Variants in ZNF518A observed in about 807,000 individuals in gnomAD.
ZNF518A encodes zinc finger protein 518A, also known as zinc finger protein 518.
ZNF518A carries 47 observed loss-of-function variants against 102.7 expected under a neutral mutation model. The ratio of observed to expected loss-of-function variants is 0.46; its 90% CI spans 0.36 to 0.58. ZNF518A has a LOEUF of 0.58. ZNF518A is among the 20% of genes least tolerant of loss of function. ZNF518A has a pLI of 0.00. For synonymous variants in ZNF518A, 652 were observed against 594.6 expected (o/e 1.10, Z -1.40); for missense variants, 1,793 against 1,699.8 (o/e 1.05, Z -0.96).
At chr10:96,167,958 CAACTT>C (rs587687457), downstream of ZNF518A, among the ~76,000 whole-genome samples, 9 of 152,318 alleles carry the variant, frequency 5.9e-5, no homozygotes, top group East Asian at 3.9e-4. Context: ...AGATTAATCT[CAACTT>C]AATTTCAGTA....
At chr10:96,167,565 A>G (rs1554890504), downstream of ZNF518A, among the ~76,000 whole-genome samples, 1 of 152,156 alleles carries the variant, frequency 6.6e-6, no homozygotes, top group Non-Finnish European at 1.5e-5. Flanking sequence ...TTTTTAAAGA[A>G]CTAAATGAAA....
At chr10:96,199,138 A>G (rs1276448063) in intron 1 of ZNF518A, among the ~76,000 whole-genome samples, 1 of 152,234 alleles carries the variant, frequency 6.6e-6, no homozygotes, top group Non-Finnish European at 1.5e-5. Context: ...ACACACTAAT[A>G]TATTTACTTG....
chr10:96,191,792 A>G, intron 1 of ZNF518A: 1 of 719,376 alleles, frequency 1.4e-6, no homozygotes, highest in Non-Finnish European at 2.3e-6. Flanking sequence ...GTCAGGCAAT[A>G]GAACAAGTCC....
chr10:96,182,392 G>A (rs2083245508), intron 1 of ZNF518A, among the ~76,000 whole-genome samples: 2 of 152,168 alleles, frequency 1.3e-5, no homozygotes, highest in Non-Finnish European at 2.9e-5. Flanking sequence ...GAGAAAGAGG[G>A]CATCCCTGTC....
At chr10:96,196,005 C>T (rs587728042) in intron 1 of ZNF518A, among the ~76,000 whole-genome samples, 1 of 152,308 alleles carries the variant, frequency 6.6e-6, no homozygotes, top group African/African-American at 2.4e-5. Context: ...TCCTTGGCTT[C>T]ATGTAGTGGG....
At chr10:96,185,623 G>A (rs2083267265) in intron 1 of ZNF518A, among the ~76,000 whole-genome samples, 1 of 152,194 alleles carries the variant, frequency 6.6e-6, no homozygotes, top group Non-Finnish European at 1.5e-5. Flanking sequence ...CTTTGCCTGG[G>A]TATCACCAGC....
rs587700434 is a variant in ZNF518A at position 96,200,690 on chromosome 10, A to T, written n.36-2884A>T. Among the ~76,000 whole-genome samples the T allele has an allele frequency of 1.3e-3, 200 of 152,350 alleles. No individual in the cohort carries two copies. Among genetic ancestry groups the T allele is most frequent in the African/African-American group, 4.7e-3 (197 of 41,586 alleles). On this transcript the variant is annotated intron_variant and non_coding_transcript_variant, in intron 1 of 2. Transcript: ENST00000442635. This position sits in a 1 kb window ranked among gnomAD's most constrained non-coding sequence, Gnocchi z 4.3. ...GATTTAATATCATCAGCCTCTACAG[A>T]TCTATTTGGAGGAAATTACAAAGTT...
chr10:96,192,841 A>C (rs2083363432), intron 1 of ZNF518A, among the ~76,000 whole-genome samples: 1 of 152,228 alleles, frequency 6.6e-6, no homozygotes, highest in Non-Finnish European at 1.5e-5. Context: ...AAAGTGCTAC[A>C]AGTTCACACT....
chr10:96,135,831 A>G (rs1031142724), intron 3 of ZNF518A, among the ~76,000 whole-genome samples: 1 of 152,232 alleles, frequency 6.6e-6, no homozygotes, highest in African/African-American at 2.4e-5. Flanking sequence ...AAACAGATAA[A>G]TGAATGCACA....
At chr10:96,150,995 C>G (rs587649416) in intron 3 of ZNF518A, among the ~76,000 whole-genome samples, 1 of 151,816 alleles carries the variant, frequency 6.6e-6, no homozygotes, top group African/African-American at 2.4e-5. Context: ...TCAGGTGATC[C>G]GCCCCCCTCG....
At chr10:96,154,310 G>A (rs2082591116) in intron 3 of ZNF518A, among the ~76,000 whole-genome samples, 1 of 152,166 alleles carries the variant, frequency 6.6e-6, no homozygotes, top group South Asian at 2.1e-4. Context: ...ACTGCAGCCT[G>A]AGCGACAGAG....
chr10:96,175,924 TTCCTTCCTTC>T (rs2083202065), intron 1 of ZNF518A, among the ~76,000 whole-genome samples: 1 of 133,736 alleles, frequency 7.5e-6, no homozygotes, highest in Non-Finnish European at 1.6e-5. Flanking sequence ...CCTTCCTTCC[TTCCTTCCTTC>T]CTTTCTTTCC....
At chr10:96,202,930 A>G (rs1330343519) in intron 1 of ZNF518A, among the ~76,000 whole-genome samples, 4 of 152,132 alleles carry the variant, frequency 2.6e-5, no homozygotes, top group Admixed American at 2.6e-4. Context: ...TTCTCAGACC[A>G]TCCTGTCTAC....
intron 1 of ZNF518A, among the ~76,000 whole-genome samples, chr10:96,172,938 C>A (rs1361510267): frequency 1.3e-5 from 2 of 152,114 alleles, no homozygotes; most frequent in Non-Finnish European, 2.9e-5. Context: ...CGTTCTACAT[C>A]TGCAGATTCA....
In ZNF518A at chr10:96,197,155, T is replaced by C. The variant is rs113051625; in HGVS notation, n.36-6419T>C. On this transcript the variant is annotated intron_variant and non_coding_transcript_variant, in intron 1 of 2. Coordinates refer to the ZNF518A transcript ENST00000442635. The stretch of plus-strand genomic sequence containing the variant: ...ATCATTTTGTGAAGAACACCTATAT[T>C]ACATTCCAAAGGTAAATTATTTAGC... 40 of 932,906 alleles carry C rather than the reference T, an allele frequency of 4.3e-5. No individual in the cohort carries two copies. In the African/African-American group the frequency reaches 6.4e-4, roughly 15 times the overall value. The allele number at this position is 932,906 out of a possible 1,614,324, so 57.8% of individuals were successfully genotyped here.
Position 96,160,444 on chromosome 10 carries a change from A to G in ZNF518A, c.4122A>G (p.Val1374=). 6.2e-7 allele frequency: 1 copy of G among 1,613,486 alleles called. No homozygotes were observed. The highest frequency in any genetic ancestry group is 8.5e-7 in the Non-Finnish European group (1 of 1,179,600). Reference sequence around the variant, plus strand: ...CTATTGCTAAATTTAATGGACATGTACTTAAGGTTTCATTGTCAAAAAGAA... The same window carrying G: ...CTATTGCTAAATTTAATGGACATGTGCTTAAGGTTTCATTGTCAAAAAGAA... ...MKTIAKFNGH[V]LKVSLSKRTI... Residue 1374 remains valine (V), a synonymous_variant, in exon 6 of 6, where the codon GTA becomes GTG. Transcript: ENST00000316045.
chr10:96,143,051 G>A (rs587710836), intron 3 of ZNF518A, among the ~76,000 whole-genome samples: 1 of 152,144 alleles, frequency 6.6e-6, no homozygotes, highest in South Asian at 2.1e-4. Flanking sequence ...CAGGTGATCC[G>A]CCCGCTTTGG....
At position 96,160,018 on chromosome 10, in the gene ZNF518A, A is replaced by G. The variant is rs1325982041; in HGVS notation, c.3696A>G (p.Val1232=). 2.5e-6 allele frequency: 4 copies of G among 1,612,704 alleles called. No homozygotes were observed. The highest frequency in any genetic ancestry group is 1.7e-5 in the Admixed American group (1 of 59,836). The change falls in exon 6 of 6, where the codon GTA becomes GTG. Residue 1232 remains valine, a synonymous_variant. Transcript: ENST00000316045. ...TCAGTGACTGTTCAGAGTCCAGGGT[A>G]TTAAGGTGTAAAACAAATTGTAGAA... ...ICVSDCSESR[V]LRCKTNCRIE...
At chr10:96,150,333 C>CG (rs1401815424) in intron 3 of ZNF518A, among the ~76,000 whole-genome samples, 1 of 95,380 alleles carries the variant, frequency 1.0e-5, no homozygotes, top group African/African-American at 3.6e-5. Flanking sequence ...GACTCCATTT[C>CG]GGAAAAAAAA....
Sources: allele counts gnomAD v4.1 joint callset (sites outside exome capture counted in the v4.1 genomes callset), GRCh38; gene constraint gnomAD v4.1.1; non-coding constraint Gnocchi (gnomAD v3.1); transcripts MANE v1.5; gene names NCBI Gene and HGNC (gene_info 2026-07-23, HGNC 2026-07-21).